Variants in PTPRD observed in about 807,000 individuals in gnomAD.
PTPRD encodes receptor-type tyrosine-protein phosphatase delta.
A neutral mutation model predicts 214.5 loss-of-function variants in PTPRD; 34 were observed. The observed-to-expected ratio is 0.16, with a 90% CI of 0.12 to 0.21. The LOEUF (loss-of-function observed/expected upper bound fraction) is 0.21. PTPRD is among the 10% of genes least tolerant of loss of function. The pLI is 1.00. For synonymous variants in PTPRD, 1,128 were observed against 845.7 expected, an observed-to-expected ratio of 1.33 and a Z score of -5.79; for missense variants, 2,545 against 2,398.7, an observed-to-expected ratio of 1.06 and a Z score of -1.27.
chr9:9,195,635 T>C (rs2099938096), intron 9 of PTPRD, among the ~76,000 whole-genome samples: 1 of 152,048 alleles, frequency 6.6e-6, no homozygotes, highest in Admixed American at 6.6e-5. Context: ...GAATGGAGCA[T>C]TCGCTTCCCA....
At chr9:10,519,976 C>T (rs181110204) in intron 2 of PTPRD, among the ~76,000 whole-genome samples, 115 of 152,074 alleles carry the variant, frequency 7.6e-4, no homozygotes, top group African/African-American at 2.5e-3. Context: ...ACCACCTATG[C>T]CCCCAAAACT....
intron 10 of PTPRD, among the ~76,000 whole-genome samples, chr9:9,118,017 A>G (rs2099813990): frequency 6.6e-6 from 1 of 152,200 alleles, no homozygotes; most frequent in African/African-American, 2.4e-5. Flanking sequence ...AGGGACATGC[A>G]AGTGAGGGAC....
At chr9:9,244,166 G>A (rs1289689268) in intron 9 of PTPRD, among the ~76,000 whole-genome samples, 2 of 152,144 alleles carry the variant, frequency 1.3e-5, no homozygotes, top group Admixed American at 1.3e-4. Context: ...AACATTCCAT[G>A]CTCATGGATA....
chr9:8,958,142 T>G (rs1191904772), intron 11 of PTPRD, among the ~76,000 whole-genome samples: 1 of 151,866 alleles, frequency 6.6e-6, no homozygotes, highest in African/African-American at 2.4e-5. Context: ...AGGTGCTAAA[T>G]GTGTGCTTTT....
At chr9:9,452,340 G>A (rs563100141) in intron 8 of PTPRD, among the ~76,000 whole-genome samples, 2 of 151,440 alleles carry the variant, frequency 1.3e-5, no homozygotes, top group Non-Finnish European at 3.0e-5. Flanking sequence ...GAACAAAGTA[G>A]TAGAGTTTAC....
At chr9:9,862,050 G>C (rs2062892809) in intron 5 of PTPRD, among the ~76,000 whole-genome samples, 1 of 152,084 alleles carries the variant, frequency 6.6e-6, no homozygotes, top group Admixed American at 6.6e-5. Context: ...GAATAGATTT[G>C]AAAAGATAAG....
At chr9:9,883,018 G>A (rs2069343743) in intron 5 of PTPRD, among the ~76,000 whole-genome samples, 1 of 152,052 alleles carries the variant, frequency 6.6e-6, no homozygotes, top group South Asian at 2.1e-4. Flanking sequence ...AGCTACATGA[G>A]GTCTCATTTG....
chr9:9,914,510 C>G (rs775383872), intron 5 of PTPRD, among the ~76,000 whole-genome samples: 9 of 152,190 alleles, frequency 5.9e-5, no homozygotes, highest in Non-Finnish European at 1.0e-4. Flanking sequence ...AACAGCCTTT[C>G]TCTCACATTC....
intron 4 of PTPRD, among the ~76,000 whole-genome samples, chr9:9,955,512 T>C (rs1263377359): frequency 1.4e-5 from 2 of 145,620 alleles, no homozygotes; most frequent in Non-Finnish European, 3.0e-5. Context: ...GTTTTTTTTG[T>C]TTTGTTTTGT....
intron 11 of PTPRD, among the ~76,000 whole-genome samples, chr9:8,933,339 GGTTTTTTT>G (rs2098966526): frequency 4.4e-5 from 3 of 68,828 alleles, no homozygotes; most frequent in Non-Finnish European, 2.4e-5. Flanking sequence ...ACAACCTTGA[GGTTTTTTT>G]TTTTTTTTTT....
At chr9:10,115,359 T>A (rs1351886011) in intron 3 of PTPRD, among the ~76,000 whole-genome samples, 2 of 152,130 alleles carry the variant, frequency 1.3e-5, no homozygotes, top group South Asian at 2.1e-4. Flanking sequence ...TAGTGCATTC[T>A]GGCACATTCT....
chr9:10,172,609 T>C (rs1000000980), intron 3 of PTPRD, among the ~76,000 whole-genome samples: 2 of 152,200 alleles, frequency 1.3e-5, no homozygotes, highest in East Asian at 3.9e-4. Flanking sequence ...AACCTATTCA[T>C]AGCTGACTCT....
chr9:9,120,641 G>C (rs1043008368), intron 10 of PTPRD, among the ~76,000 whole-genome samples: 1 of 152,204 alleles, frequency 6.6e-6, no homozygotes, highest in Non-Finnish European at 1.5e-5. Flanking sequence ...CATCTGGAGA[G>C]GAGGGTAAAA....
At chr9:9,703,011 T>G (rs2097532515) in intron 7 of PTPRD, among the ~76,000 whole-genome samples, 1 of 152,158 alleles carries the variant, frequency 6.6e-6, no homozygotes, top group African/African-American at 2.4e-5. Flanking sequence ...TGGCTCTGTG[T>G]CCCCACCCAA....
intron 7 of PTPRD, among the ~76,000 whole-genome samples, chr9:9,693,622 T>G (rs572270714): frequency 2.1e-4 from 32 of 152,322 alleles, no homozygotes; most frequent in African/African-American, 7.7e-4. Context: ...ACATGAATGT[T>G]AATATATTTC....
chr9:8,323,035 C>T (rs1487801817), intron 44 of PTPRD, among the ~76,000 whole-genome samples: 10 of 152,102 alleles, frequency 6.6e-5, no homozygotes. Context: ...AAGGAAGGCA[C>T]GTTGAACATC....
intron 7 of PTPRD, among the ~76,000 whole-genome samples, chr9:9,644,917 C>A (rs1256901677): frequency 2.0e-5 from 3 of 152,194 alleles, no homozygotes; most frequent in Admixed American, 6.5e-5. Flanking sequence ...TCAATAAAAT[C>A]TCTGCATCTT....
intron 11 of PTPRD, among the ~76,000 whole-genome samples, chr9:8,813,583 C>T (rs534712387): frequency 4.6e-5 from 7 of 152,208 alleles, no homozygotes; most frequent in East Asian, 3.9e-4. Flanking sequence ...TTGTTACCCA[C>T]GCTGGACTCA....
chr9:8,453,232 C>T (rs373847155), intron 33 of PTPRD, among the ~76,000 whole-genome samples: 12 of 152,120 alleles, frequency 7.9e-5, no homozygotes, highest in African/African-American at 1.4e-4. Flanking sequence ...GGTGCGATCT[C>T]GGCTCACTGC....
Sources: gnomAD v4.1 joint callset for allele counts (sites outside exome capture counted in the v4.1 genomes callset) on GRCh38, gnomAD v4.1.1 for gene constraint, MANE v1.5 for transcripts, NCBI Gene and HGNC (gene_info 2026-07-23, HGNC 2026-07-21) for gene names.